Variants in SLC4A4 observed in about 807,000 individuals in gnomAD.
The protein encoded by SLC4A4 is electrogenic sodium bicarbonate cotransporter 1.
In SLC4A4, 27 loss-of-function variants were observed where a neutral mutation model predicts 111.5. That is an observed-to-expected ratio of 0.24 (90% CI 0.18 to 0.33). The LOEUF is 0.33. Among genes scored for constraint, SLC4A4 ranks in the 10% least tolerant of loss-of-function variants. SLC4A4 has a pLI of 1.00. For synonymous variants in SLC4A4, 443 were observed against 463.4 expected, an observed-to-expected ratio of 0.96 and a Z score of 0.57; for missense variants, 909 against 1,315.5, an observed-to-expected ratio of 0.69 and a Z score of 4.78.
intron 20 of SLC4A4, among the ~76,000 whole-genome samples, chr4:71,551,228 G>A (rs1477376035): frequency 6.6e-6 from 1 of 151,932 alleles, no homozygotes; most frequent in East Asian, 1.9e-4. Context: ...GCCTTTGCTT[G>A]AAATAGTTTA....
At chr4:71,490,122 T>G (rs912482434) in intron 15 of SLC4A4, among the ~76,000 whole-genome samples, 15 of 151,844 alleles carry the variant, frequency 9.9e-5, no homozygotes, top group African/African-American at 3.4e-4. Context: ...CCCTTTAACT[T>G]GCAAACCAAA....
Position 71,397,577 on chromosome 4 carries a change from G to A in SLC4A4, c.731G>A (p.Gly244Asp), listed in dbSNP as rs769873680. The A allele has an allele frequency of 1.4e-5, 23 of 1,613,570 alleles. No homozygotes were observed. The highest frequency in any genetic ancestry group is 1.8e-5 in the Non-Finnish European group (21 of 1,179,718). Residue 244 changes from glycine (G) to aspartate (D), a missense_variant and splice_region_variant, in exon 7 of 26, where the codon GGT (glycine) becomes GAT (aspartate). By Grantham distance (94) the Gly-to-Asp change is moderately conservative. Transcript: ENST00000264485. ...TTAGAGTTTACTTGTGTTTTTCCAGGTAGCCCAGCCATGACCCATAGGAAT... is the reference window on the plus strand; with the variant it reads ...TTAGAGTTTACTTGTGTTTTTCCAGATAGCCCAGCCATGACCCATAGGAAT... ...ASRMFTNPDNGSPAMTHRNLT... is the reference protein window; with the variant it reads ...ASRMFTNPDNDSPAMTHRNLT...
At chr4:71,080,981 C>T (rs1741980792) in intron 1 of SLC4A4, among the ~76,000 whole-genome samples, 1 of 152,094 alleles carries the variant, frequency 6.6e-6, no homozygotes, top group Non-Finnish European at 1.5e-5. Flanking sequence ...CCCCTGCTTC[C>T]TTCCTTTACT....
At chr4:71,378,513 A>C (rs1264251634) in intron 6 of SLC4A4, among the ~76,000 whole-genome samples, 1 of 152,172 alleles carries the variant, frequency 6.6e-6, no homozygotes, top group Admixed American at 6.5e-5. Context: ...AAACTGATAG[A>C]CAGTCTTTCA....
At chr4:71,302,330 C>A (rs1284430350) in intron 3 of SLC4A4, among the ~76,000 whole-genome samples, 1 of 152,108 alleles carries the variant, frequency 6.6e-6, no homozygotes, top group African/African-American at 2.4e-5. Flanking sequence ...GTTTCTGAAC[C>A]TCTGTCTTCT....
intron 1 of SLC4A4, among the ~76,000 whole-genome samples, chr4:71,196,395 CTAGAT>C (rs1207572082): frequency 6.6e-6 from 1 of 152,052 alleles, no homozygotes; most frequent in African/African-American, 2.4e-5. Context: ...TTTAGATAAA[CTAGAT>C]TAGATAATTT....
chr4:71,531,607 A>G (rs1420911599), intron 16 of SLC4A4, among the ~76,000 whole-genome samples: 4 of 152,008 alleles, frequency 2.6e-5, no homozygotes, highest in African/African-American at 9.7e-5. Context: ...CTGCCTCCCA[A>G]ATAACACACA....
intron 7 of SLC4A4, among the ~76,000 whole-genome samples, chr4:71,427,146 T>C (rs149171667): frequency 4.6e-4 from 70 of 152,216 alleles, no homozygotes; most frequent in African/African-American, 1.6e-3. Context: ...GTGTTATATA[T>C]TTGTTTTTAA....
chr4:71,081,154 C>T (rs1429603414), intron 1 of SLC4A4, among the ~76,000 whole-genome samples: 1 of 152,102 alleles, frequency 6.6e-6, no homozygotes, highest in Non-Finnish European at 1.5e-5. Context: ...GTGACTTGAA[C>T]ATCTCTGCCT....
intron 18 of SLC4A4, among the ~76,000 whole-genome samples, chr4:71,536,708 C>G (rs369919455): frequency 6.6e-6 from 1 of 150,516 alleles, no homozygotes; most frequent in Non-Finnish European, 1.5e-5. Flanking sequence ...GTTGGTCAGG[C>G]TGGTCTTGAA....
intron 2 of SLC4A4, among the ~76,000 whole-genome samples, chr4:71,099,999 T>A (rs1025091590): frequency 2.0e-5 from 3 of 152,038 alleles, no homozygotes; most frequent in Non-Finnish European, 4.4e-5. Context: ...ACCAGAGAGA[T>A]TCACAGCTGA....
chr4:71,531,570 G>A (rs1733916341), intron 16 of SLC4A4, among the ~76,000 whole-genome samples: 1 of 152,010 alleles, frequency 6.6e-6, no homozygotes, highest in Non-Finnish European at 1.5e-5. Flanking sequence ...TGTCTTATGA[G>A]ATTTATCTTA....
In SLC4A4 at chr4:71,426,040, A is replaced by G. The variant is rs114054067; in HGVS notation, c.808-14576A>G. Among the ~76,000 whole-genome samples, 1,381 of 152,236 alleles carry G rather than the reference A, an allele frequency of 9.1e-3. 26 individuals carry two copies. The highest frequency in any genetic ancestry group is 0.032 in the African/African-American group (1,331 of 41,568). ...AAAATATATCAAAGGAATATATTTT[A>G]GGGTAAAATACTTCAGTTTCTTTCA... is the stretch of plus-strand genomic sequence containing the variant. On this transcript the variant is annotated intron_variant, in intron 7 of 25. Transcript: ENST00000264485.
Position 71,563,826 on chromosome 4 carries a change from A to G in SLC4A4, c.3133A>G (p.Ile1045Val), listed in dbSNP as rs1737209372. The change falls in exon 24 of 26, where the codon ATT becomes GTT. Residue 1045 changes from isoleucine (I) to valine (V), a missense_variant. Physicochemically the swap from Ile to Val is conservative, Grantham distance 29. Around this residue, in one of 7 missense-constraint regions of SLC4A4, gnomAD observed 85 missense variants for 79.8 expected, o/e 1.07. Coordinates refer to ENST00000264485, the MANE Select transcript of SLC4A4 (RefSeq NM_001098484.3). ...DCPYSEKVPS[I>V]KIPMDIMEQQ... ...CCCATACTCAGAAAAAGTTCCAAGT[A>G]TTAAAATTCCAATGGACATCATGGA... 3.7e-6 allele frequency: 6 copies of G among 1,611,584 alleles called. No individual in the cohort carries two copies. Among genetic ancestry groups the G allele is most frequent in the Non-Finnish European group, 5.1e-6 (6 of 1,178,308 alleles).
chr4:71,123,643 G>T (rs183771099), intron 2 of SLC4A4, among the ~76,000 whole-genome samples: 16 of 152,196 alleles, frequency 1.1e-4, no homozygotes, highest in African/African-American at 3.6e-4. Flanking sequence ...AAAACAAAAA[G>T]CTTCATAATA....
intron 3 of SLC4A4, among the ~76,000 whole-genome samples, chr4:71,273,690 T>G (rs1324585768): frequency 6.6e-6 from 1 of 152,068 alleles, no homozygotes; most frequent in Non-Finnish European, 1.5e-5. Context: ...TTTTTTTTTT[T>G]TTTTACAAAA....
intron 14 of SLC4A4, among the ~76,000 whole-genome samples, 174 bp from the exon 15 acceptor site, chr4:71,486,774 T>G (rs528245255): frequency 9.4e-4 from 143 of 151,596 alleles, no homozygotes; most frequent in African/African-American, 3.4e-3. Flanking sequence ...AATCTTTGTT[T>G]TATCTAGGTG....
intron 3 of SLC4A4, among the ~76,000 whole-genome samples, chr4:71,280,919 G>A (rs1402014208): frequency 6.6e-6 from 1 of 152,128 alleles, no homozygotes; most frequent in East Asian, 1.9e-4. Flanking sequence ...AAGTGCACAA[G>A]TAATAAGTTC....
At chr4:71,435,267 C>T (rs761182200) in intron 7 of SLC4A4, among the ~76,000 whole-genome samples, 6 of 152,116 alleles carry the variant, frequency 3.9e-5, no homozygotes, top group Non-Finnish European at 8.8e-5. Flanking sequence ...CATCTACAAC[C>T]ATCTGATCTT....
Sources: gnomAD v4.1 joint callset for allele counts (sites outside exome capture counted in the v4.1 genomes callset) on GRCh38, gnomAD v4.1.1 for gene constraint, gnomAD v4.1.1 regional missense constraint, MANE v1.5 for transcripts, NCBI Gene and HGNC (gene_info 2026-07-23, HGNC 2026-07-21) for gene names.